The following LTN1 variants were observed in gnomAD, a reference collection of about 807,000 sequenced individuals.
LTN1 encodes the protein listerin E3 ubiquitin protein ligase 1.
In LTN1, 88 loss-of-function variants were observed where a neutral mutation model predicts 201.2. That is an observed-to-expected ratio of 0.44 (90% CI 0.37 to 0.52). The LOEUF is 0.52. Among genes scored for constraint, LTN1 ranks in the 20% least tolerant of loss-of-function variants. The probability of loss-of-function intolerance (pLI) is 0.00; values close to 1 mark genes in which losing one functional copy is unlikely to be tolerated. For missense variants in LTN1, 1,752 were observed against 2,038.7 expected (o/e 0.86, Z 2.71); for synonymous variants, 645 against 713.5 (o/e 0.90, Z 1.53).
At chr21:28,932,174 A>G (rs2084215882) in intron 28 of LTN1, among the ~76,000 whole-genome samples, 1 of 152,230 alleles carries the variant, frequency 6.6e-6, no homozygotes, top group Non-Finnish European at 1.5e-5. Flanking sequence ...GAAGGCATTC[A>G]TCTGTCCAGT....
chr21:28,957,838 A>G (rs763671254), intron 14 of LTN1, among the ~76,000 whole-genome samples: 1 of 152,184 alleles, frequency 6.6e-6, no homozygotes, highest in Non-Finnish European at 1.5e-5. Flanking sequence ...ATATGGATTT[A>G]GGTATGAGAG....
At position 28,958,492 on chromosome 21, in the gene LTN1, A is replaced by C. The variant is rs144054253; in HGVS notation, c.2641T>G (p.Leu881Val). The change falls in exon 14 of 30, where the codon TTA becomes GTA. Residue 881 changes from leucine (L) to valine (V), a missense_variant. Coordinates refer to ENST00000361371, the MANE Select transcript of LTN1 (RefSeq NM_015565.3). ...GAACTGTCAGTTTGATGAACCAATA[A>C]ATTTACACCAGAGAGCCAAGTATTT... The part of the protein sequence containing the change: ...LKNTWLSGVN[L>V]LVHQTDSSYK... 1.9e-6 allele frequency: 3 copies of C among 1,611,134 alleles called. No homozygotes were observed.
chr21:28,946,198 T>C lies in LTN1; in HGVS notation c.3577A>G (p.Ile1193Val), dbSNP rs775051449. 2.5e-6 allele frequency: 4 copies of C among 1,587,064 alleles called. No individual in the cohort carries two copies. Among genetic ancestry groups the C allele is most frequent in the East Asian group, 2.3e-5 (1 of 44,424 alleles). ...GELLHGILKI[I>V]ISWKKEHEDI... ...TCATGCTCTTTCTTCCAGGATATTA[T>C]GATTTTTAATATTCCATGTAATAGC... Residue 1193 changes from isoleucine (I) to valine (V), a missense_variant, in exon 20 of 30, where the codon ATA becomes GTA. This residue lies in a region of LTN1 where 1,211 missense variants were observed against 1,312.8 expected (regional missense o/e 0.92). Transcript: ENST00000361371.
chr21:28,943,436 T>C (rs1041177516), intron 23 of LTN1, 100 bp from the exon 24 acceptor site: 2 of 752,020 alleles, frequency 2.7e-6, no homozygotes, highest in African/African-American at 1.8e-5. Context: ...AATGAGTAAA[T>C]GTTTTAATGA....
intron 16 of LTN1, among the ~76,000 whole-genome samples, chr21:28,953,651 A>G (rs1468107927): frequency 6.6e-6 from 1 of 152,204 alleles, no homozygotes; most frequent in Admixed American, 6.5e-5. Flanking sequence ...AGAGATACTG[A>G]AAGAATCTTC....
At chr21:28,969,170 G>A (rs1487510606) in intron 9 of LTN1, among the ~76,000 whole-genome samples, 1 of 151,794 alleles carries the variant, frequency 6.6e-6, no homozygotes, top group Non-Finnish European at 1.5e-5. Context: ...GCAGTGAGCT[G>A]AGATTGCGTC....
chr21:28,958,280 C>G, intron 14 of LTN1, 106 bp downstream of exon 14: 1 of 1,054,134 alleles, frequency 9.5e-7, no homozygotes, highest in Non-Finnish European at 1.4e-6. Context: ...TAGGGACGAG[C>G]CCTACAAGTC....
Position 28,957,469 on chromosome 21 carries a change from C to T in LTN1, c.2755G>A (p.Val919Ile), listed in dbSNP as rs763907285. Reference protein sequence around the residue: ...ASSLDINSLQVLLSAVDDLLN... With the variant: ...ASSLDINSLQILLSAVDDLLN... ...AAATCATCAACAGCAGACAAGAGGA[C>T]TTGGAGACTAAAAATAATGCAGAGA... The change falls in exon 15 of 30, where the codon GTC becomes ATC. Residue 919 changes from valine to isoleucine, a missense_variant. By Grantham distance (29) the Val-to-Ile change is conservative. Coordinates refer to ENST00000361371, the MANE Select transcript of LTN1 (RefSeq NM_015565.3). The T allele has an allele frequency of 6.4e-7, 1 of 1,558,344 alleles. No homozygotes were observed. The highest frequency in any genetic ancestry group is 1.4e-5 in the African/African-American group (1 of 72,204).
At chr21:28,990,917 T>C (rs1398969570) in intron 1 of LTN1, among the ~76,000 whole-genome samples, 1 of 151,896 alleles carries the variant, frequency 6.6e-6, no homozygotes, top group Non-Finnish European at 1.5e-5. Flanking sequence ...GAATCTCAGA[T>C]GTTAAAACGG....
Position 28,943,802 on chromosome 21 carries a change from T to G in LTN1, c.4085A>C (p.Lys1362Thr). The G allele has an allele frequency of 6.2e-7, 1 of 1,613,770 alleles. No homozygotes were observed. The change falls in exon 23 of 30, where the codon AAA becomes ACA. Residue 1362 changes from lysine (K) to threonine (T), a missense_variant. This residue lies in a region of LTN1 where 1,211 missense variants were observed against 1,312.8 expected (regional missense o/e 0.92). Transcript: ENST00000361371. Reference protein sequence around the residue: ...YISKEQLLSHKLPARLVADQK... With the variant: ...YISKEQLLSHTLPARLVADQK... ...GTCAGCAACTAATCTTGCAGGAAGT[T>G]TGTGACTCAATAGCTGTTCCTTTGA...
chr21:28,958,558 C>T lies in LTN1; in HGVS notation c.2594-19G>A. 1 of 1,566,792 alleles carries T rather than the reference C, an allele frequency of 6.4e-7. No homozygotes were observed. ...AGAAAATCTAAAATCAAGATGTCAA[C>T]AGGAATTTGTAATCTCACTGAATTA... On this transcript the variant is annotated intron_variant, in intron 13 of 29. Coordinates refer to ENST00000361371, the MANE Select transcript of LTN1 (RefSeq NM_015565.3).
intron 11 of LTN1, chr21:28,964,808 A>G (rs751401338): frequency 6.6e-7 from 1 of 1,512,572 alleles, no homozygotes; most frequent in South Asian, 1.3e-5. Context: ...TTATCAAATT[A>G]TTTGCACCCC....
chr21:28,936,158 A>G (rs941535219), intron 26 of LTN1, among the ~76,000 whole-genome samples: 1 of 152,180 alleles, frequency 6.6e-6, no homozygotes, highest in African/African-American at 2.4e-5. Flanking sequence ...ACTGTAGTAC[A>G]ACCAGATACA....
chr21:28,941,025 C>T (rs555805520), intron 25 of LTN1, among the ~76,000 whole-genome samples, 195 bp downstream of exon 25: 1 of 152,094 alleles, frequency 6.6e-6, no homozygotes, highest in East Asian at 1.9e-4. Context: ...TGCAGTGAGC[C>T]GAGATTGTGC....
chr21:28,980,892 AG>A (rs906809094), intron 6 of LTN1, among the ~76,000 whole-genome samples: 1 of 152,234 alleles, frequency 6.6e-6, no homozygotes, highest in Non-Finnish European at 1.5e-5. Context: ...CTATGAACAA[AG>A]GAGTATGGTA....
At chr21:28,944,181 T>C (rs1424983607) in intron 22 of LTN1, among the ~76,000 whole-genome samples, 7 of 152,222 alleles carry the variant, frequency 4.6e-5, no homozygotes, top group Non-Finnish European at 1.0e-4. Flanking sequence ...TTTGCAACAG[T>C]CATTGGATAC....
At chr21:28,957,003 T>G (rs192425736) in intron 15 of LTN1, 55 bp from the exon 16 acceptor site, 1 of 1,063,690 alleles carries the variant, frequency 9.4e-7, no homozygotes, top group Non-Finnish European at 1.3e-6. Context: ...CAATTGAGAC[T>G]GAACAAAAAT....
At position 28,944,446 on chromosome 21, in the gene LTN1, A is replaced by T. The variant is rs375510678; in HGVS notation, c.3919T>A (p.Trp1307Arg). The change falls in exon 22 of 30, where the codon TGG becomes AGG. Residue 1307 changes from tryptophan (W) to arginine (R), a missense_variant. By Grantham distance (101) the Trp-to-Arg change is moderately radical (BLOSUM62 -3). This residue lies in a region of LTN1 where 1,211 missense variants were observed against 1,312.8 expected (regional missense o/e 0.92). Transcript: ENST00000361371. The stretch of plus-strand genomic sequence containing the variant: ...ATGCCTTGGGAAAAAAATTCTTTCC[A>T]TTCACTGATTAGATTTACAGGAAGA... ...GNLPVNLISEWKEFFSQGIHS... is the reference protein window; with the variant it reads ...GNLPVNLISERKEFFSQGIHS... The T allele has an allele frequency of 3.1e-6, 5 of 1,613,980 alleles. No individual in the cohort carries two copies. Among genetic ancestry groups the T allele is most frequent in the African/African-American group, 1.3e-5 (1 of 74,940 alleles).
At position 28,966,739 on chromosome 21, in the gene LTN1, A is replaced by G. The variant is rs780134457; in HGVS notation, c.1752T>C (p.Pro584=). The change falls in exon 10 of 30, where the codon CCT becomes CCC. Residue 584 remains proline (P), a synonymous_variant. Coordinates refer to ENST00000361371, the MANE Select transcript of LTN1 (RefSeq NM_015565.3). ...LTHNSSGLLS[P]LRKKPLEDLV... ...AGTCTTCCAAAGGTTTTTTCCTTAG[A>G]GGAGACAAAAGGCCTGAAGAATTAT... is the stretch of plus-strand genomic sequence containing the variant. 1.2e-6 allele frequency: 2 copies of G among 1,613,934 alleles called. No homozygotes were observed. Among genetic ancestry groups the G allele is most frequent in the East Asian group, 4.5e-5 (2 of 44,884 alleles).
Sources: gnomAD v4.1 joint callset for allele counts (sites outside exome capture counted in the v4.1 genomes callset) on GRCh38, gnomAD v4.1.1 for gene constraint, gnomAD v4.1.1 regional missense constraint, MANE v1.5 for transcripts, NCBI Gene and HGNC (gene_info 2026-07-23, HGNC 2026-07-21) for gene names.